ZNF512: variants seen among roughly 807,000 people sequenced by gnomAD.
ZNF512 encodes the protein zinc finger protein 512.
Under a neutral mutation model 77.5 loss-of-function variants are expected in ZNF512, and 25 were observed. The ratio of observed to expected loss-of-function variants is 0.32; its 90% confidence interval spans 0.23 to 0.45. The LOEUF is 0.45. Among genes scored for constraint, ZNF512 ranks in the 20% least tolerant of loss-of-function variants. ZNF512 has a pLI of 1.00. For missense variants in ZNF512, 483 were observed against 692.6 expected, an observed-to-expected ratio of 0.70 and a Z score of 3.40; for synonymous variants, 246 against 239.9, an observed-to-expected ratio of 1.03 and a Z score of -0.24.
intron 2 of ZNF512, among the ~76,000 whole-genome samples, chr2:27,585,707 A>C (rs1290497547): frequency 6.6e-6 from 1 of 152,236 alleles, no homozygotes; most frequent in Non-Finnish European, 1.5e-5. Flanking sequence ...GGCTCTTAAA[A>C]ATTTTTGGTA....
chr2:27,596,684 G>C (rs972515617), intron 2 of ZNF512, among the ~76,000 whole-genome samples: 2 of 152,206 alleles, frequency 1.3e-5, no homozygotes, highest in Admixed American at 6.5e-5. Flanking sequence ...GGAGGGGTGG[G>C]CCTTAGTGGG....
intron 2 of ZNF512, among the ~76,000 whole-genome samples, chr2:27,585,632 C>T (rs970826714): frequency 6.6e-6 from 1 of 152,080 alleles, no homozygotes; most frequent in East Asian, 1.9e-4. Flanking sequence ...ACAAAGGATA[C>T]CGAGATGAAC....
At position 27,621,349 on chromosome 2, in the gene ZNF512, A is replaced by G; in HGVS notation, c.1592A>G (p.Asn531Ser). The change falls in exon 14 of 14, where the codon AAT (asparagine) becomes AGT (serine). Residue 531 changes from asparagine to serine, a missense_variant. Transcript: ENST00000355467. Reference protein sequence around the residue: ...LRVGKDQRRNNEELVVSASCK... With the variant: ...LRVGKDQRRNSEELVVSASCK... ...GTAGGGAAGGATCAGAGGAGGAATA[A>G]TGAGGAACTGGTAGTGTCAGCCTCC... 1 of 1,614,190 alleles carries G rather than the reference A, an allele frequency of 6.2e-7. No individual in the cohort carries two copies. Among genetic ancestry groups the G allele is most frequent in the Non-Finnish European group, 8.5e-7 (1 of 1,180,032 alleles).
intron 5 of ZNF512, 37 bp downstream of exon 5, chr2:27,600,090 C>T (rs1414387507): frequency 6.3e-7 from 1 of 1,597,338 alleles, no homozygotes; most frequent in Middle Eastern, 1.7e-4. Flanking sequence ...GGATGTAGTT[C>T]TCACACTCTG....
intron 9 of ZNF512, among the ~76,000 whole-genome samples, chr2:27,605,360 G>A (rs1296174563): frequency 1.3e-5 from 2 of 151,878 alleles, no homozygotes; most frequent in African/African-American, 4.8e-5. Context: ...AGGTTGAGGC[G>A]GGAGGATGGT....
intron 7 of ZNF512, among the ~76,000 whole-genome samples, chr2:27,601,828 A>G (rs932194101): frequency 6.6e-6 from 1 of 152,188 alleles, no homozygotes; most frequent in African/African-American, 2.4e-5. Context: ...TTGTATTTTT[A>G]GTAGAGATGG....
chr2:27,590,270 C>T (rs1671516913), intron 2 of ZNF512, among the ~76,000 whole-genome samples: 1 of 152,298 alleles, frequency 6.6e-6, no homozygotes, highest in Non-Finnish European at 1.5e-5. Flanking sequence ...ATTATGCCTT[C>T]CCAATGATTT....
intron 2 of ZNF512, among the ~76,000 whole-genome samples, chr2:27,585,516 T>C (rs1043735985): frequency 6.6e-6 from 1 of 152,174 alleles, no homozygotes; most frequent in African/African-American, 2.4e-5. Flanking sequence ...TCCTAGGAGA[T>C]TGTGACATTT....
chr2:27,595,707 GA>G (rs1671837068), intron 2 of ZNF512, among the ~76,000 whole-genome samples: 2 of 152,120 alleles, frequency 1.3e-5, no homozygotes, highest in Admixed American at 6.5e-5. Flanking sequence ...GAACCTATCT[GA>G]TGAGTTTTTA....
chr2:27,595,968 A>G (rs2148013991), intron 2 of ZNF512, among the ~76,000 whole-genome samples: 1 of 152,192 alleles, frequency 6.6e-6, no homozygotes, highest in African/African-American at 2.4e-5. Context: ...ATAATTTTGG[A>G]ATTTATCCTC....
chr2:27,585,343 T>C (rs1558462115), intron 2 of ZNF512, among the ~76,000 whole-genome samples: 1 of 152,214 alleles, frequency 6.6e-6, no homozygotes, highest in African/African-American at 2.4e-5. Context: ...GCTGAGAGTT[T>C]TAATGAGCTC....
chr2:27,623,074 G>T lies in ZNF512; in HGVS notation c.*1613G>T, dbSNP rs554496711. On this transcript the variant is annotated 3_prime_UTR_variant, in exon 14 of 14. Coordinates refer to ENST00000355467, the MANE Select transcript of ZNF512 (RefSeq NM_032434.4). The stretch of plus-strand genomic sequence containing the variant: ...TGGGGAATGTTTGGCAATGACAAAA[G>T]AAATAAATGACTCTCAGAAAGATGT... 1 of 152,902 alleles carries T rather than the reference G, an allele frequency of 6.5e-6. No homozygotes were observed. The highest frequency in any genetic ancestry group is 2.1e-4 in the South Asian group (1 of 4,832). The allele number at this position is 152,902 out of a possible 1,614,324, so 9.5% of individuals were successfully genotyped here.
At chr2:27,595,519 G>A (rs1459701994) in intron 2 of ZNF512, among the ~76,000 whole-genome samples, 1 of 152,010 alleles carries the variant, frequency 6.6e-6, no homozygotes, top group African/African-American at 2.4e-5. Flanking sequence ...TAGAGACGGG[G>A]TTTCACTATG....
chr2:27,583,605 T>C, intron 1 of ZNF512, 53 bp from the exon 2 acceptor site: 4 of 1,604,518 alleles, frequency 2.5e-6, no homozygotes, highest in Non-Finnish European at 3.4e-6. Context: ...CGTCTTTTTG[T>C]GGTCGAGGTT....
chr2:27,615,405 A>G (rs1183206906), intron 11 of ZNF512, 136 bp downstream of exon 11: 1 of 554,066 alleles, frequency 1.8e-6, no homozygotes, highest in East Asian at 3.2e-5. Flanking sequence ...ACAATTCCAT[A>G]GAGCAATAAT....
chr2:27,600,818 T>C lies in ZNF512; in HGVS notation c.582+3T>C. 1 of 1,607,520 alleles carries C rather than the reference T, an allele frequency of 6.2e-7. No individual in the cohort carries two copies. Among genetic ancestry groups the C allele is most frequent in the Non-Finnish European group, 8.5e-7 (1 of 1,178,022 alleles). Reference sequence around the variant, plus strand: ...AACACATGGAAAACTGCAAGCAGGTTAGATATTTTGGCGTTTCATAACTGT... The same window carrying C: ...AACACATGGAAAACTGCAAGCAGGTCAGATATTTTGGCGTTTCATAACTGT... On this transcript the variant is annotated splice_donor_region_variant and intron_variant, in intron 6 of 13. Coordinates refer to ENST00000355467, the MANE Select transcript of ZNF512 (RefSeq NM_032434.4).
In ZNF512 at chr2:27,583,082, G is replaced by C. The variant is rs757305307; in HGVS notation, c.-31G>C. On this transcript the variant is annotated 5_prime_UTR_variant, in exon 1 of 14. Coordinates refer to ENST00000355467, the MANE Select transcript of ZNF512 (RefSeq NM_032434.4). ...TGGCGTTGGTCTGGCCGGAGCCCTT[G>C]GGTGAAATTGTTAGGCGTGGAGAGG... is the stretch of plus-strand genomic sequence containing the variant. 8 of 1,613,996 alleles carry C rather than the reference G, an allele frequency of 5.0e-6. No individual in the cohort carries two copies. The highest frequency in any genetic ancestry group is 2.2e-5 in the East Asian group (1 of 44,894).
At chr2:27,613,512 T>TTATA (rs1047218191) in intron 10 of ZNF512, among the ~76,000 whole-genome samples, 4 of 151,194 alleles carry the variant, frequency 2.6e-5, no homozygotes, top group African/African-American at 7.3e-5. Flanking sequence ...AAAAAAAAAT[T>TTATA]TATATATATA....
Position 27,610,545 on chromosome 2 carries a change from T to TGTGTTC in ZNF512, c.1131+2506_1131+2507insGTGTTC, listed in dbSNP as rs57413964. Among the ~76,000 whole-genome samples, 2 of 18,958 alleles carry TGTGTTC rather than the reference T, an allele frequency of 1.1e-4. 1 individual carries two copies. Among genetic ancestry groups the TGTGTTC allele is most frequent in the Non-Finnish European group, 1.8e-4 (2 of 11,256 alleles). The allele number at this position is 18,958 out of a possible 152,430, so 12.4% of individuals were successfully genotyped here. A position where few individuals can be genotyped will look rare whatever the true frequency, so the allele number is the denominator to read the frequency against. On this transcript the variant is annotated intron_variant, in intron 10 of 13. Transcript: ENST00000355467. ...ATGTGTGTGTATATATATGTGTGTG[T>TGTGTTC]ATATATATATATATATATATATATT...
Sources: allele counts gnomAD v4.1 joint callset (sites outside exome capture counted in the v4.1 genomes callset), GRCh38; gene constraint gnomAD v4.1.1; transcripts MANE v1.5; gene names NCBI Gene and HGNC (gene_info 2026-07-23, HGNC 2026-07-21).